The following CR2 variants were observed in gnomAD, a reference collection of about 807,000 sequenced individuals.
The protein encoded by CR2 is complement C3d receptor 2.
CR2 carries 96 observed loss-of-function variants against 123.0 expected under a neutral mutation model. The observed-to-expected ratio is 0.78, with a 90% CI of 0.66 to 0.93. CR2 has a LOEUF of 0.93. Among genes scored for constraint, CR2 ranks in the 40% least tolerant of loss-of-function variants. The pLI, the probability that CR2 is intolerant of heterozygous loss-of-function variation, is 0.00. For missense variants in CR2, 1,258 were observed against 1,361.0 expected (o/e 0.92, Z 1.19); for synonymous variants, 484 against 469.5 (o/e 1.03, Z -0.40).
At chr1:207,462,498 T>A (rs1235887863) in intron 1 of CR2, among the ~76,000 whole-genome samples, 1 of 152,222 alleles carries the variant, frequency 6.6e-6, no homozygotes, top group East Asian at 1.9e-4. Flanking sequence ...ATGCATTTTT[T>A]CCCTATAAAC....
intron 18 of CR2, among the ~76,000 whole-genome samples, chr1:207,484,029 T>A (rs1658679702): frequency 1.3e-5 from 2 of 152,114 alleles, no homozygotes; most frequent in African/African-American, 2.4e-5. Context: ...ATTAGGGATG[T>A]CATTTGCAGG....
chr1:207,479,209 T>G (rs1436882245), intron 16 of CR2, 48 bp from the exon 17 acceptor site: 1 of 1,434,352 alleles, frequency 7.0e-7, no homozygotes, highest in Non-Finnish European at 9.8e-7. Context: ...TACATTGAAT[T>G]ATGACACTAT....
Position 207,470,014 on chromosome 1 carries a change from C to T in CR2, c.1137C>T (p.Cys379=), listed in dbSNP as rs1036386898. The change falls in exon 6 of 20, where the codon TGC becomes TGT. Residue 379 remains cysteine (C), a synonymous_variant. Coordinates refer to ENST00000367057, the MANE Select transcript of CR2 (RefSeq NM_001006658.3). ...ATAACGACACTGTGATATTTGCTTG[C>T]ATGTTTGGCTTCACCTTGAAGGGCA... ...YTYNDTVIFA[C]MFGFTLKGSK... is the part of the protein sequence containing the mutation. 1 of 1,613,952 alleles carries T rather than the reference C, an allele frequency of 6.2e-7. No individual in the cohort carries two copies. The highest frequency in any genetic ancestry group is 8.5e-7 in the Non-Finnish European group (1 of 1,179,918).
intron 18 of CR2, 152 bp from the exon 19 acceptor site, chr1:207,485,312 T>G: frequency 1.7e-6 from 1 of 604,370 alleles, no homozygotes; most frequent in Non-Finnish European, 3.1e-6. Flanking sequence ...ATTCTGCACA[T>G]GTATCCCAGA....
intron 1 of CR2, among the ~76,000 whole-genome samples, chr1:207,461,086 A>T (rs1255208224): frequency 6.6e-6 from 1 of 152,144 alleles, no homozygotes; most frequent in Non-Finnish European, 1.5e-5. Flanking sequence ...TTGTCCCACA[A>T]ATTCACAAAT....
chr1:207,488,576 A>G (rs552406537), intron 19 of CR2, among the ~76,000 whole-genome samples: 274 of 152,330 alleles, frequency 1.8e-3, no homozygotes, highest in Middle Eastern at 6.8e-3. Context: ...GTGAGCTGAG[A>G]TCACGCCACT....
At chr1:207,471,277 C>T in intron 8 of CR2, 146 bp from the exon 9 acceptor site, 5 of 884,150 alleles carry the variant, frequency 5.7e-6, no homozygotes, top group Non-Finnish European at 9.6e-6. Context: ...TATGCCTGTG[C>T]AATGAGAAGT....
At position 207,479,978 on chromosome 1, in the gene CR2, G is replaced by T; in HGVS notation, c.3113G>T (p.Gly1038Val). Residue 1038 changes from glycine to valine, a missense_variant and splice_region_variant, in exon 18 of 20, where the codon GGT becomes GTT. By Grantham distance (109) the Gly-to-Val change is moderately radical (BLOSUM62 -3). Transcript: ENST00000367057. ...RSRSLAPVLCGIAAGLILLTF... is the reference protein window; with the variant it reads ...RSRSLAPVLCVIAAGLILLTF... ...GATACTTGCTGGATTTTTCTTCTAG[G>T]TATTGCTGCAGGTTTGATACTTCTT... The T allele has an allele frequency of 6.2e-7, 1 of 1,611,502 alleles. No homozygotes were observed. Among genetic ancestry groups the T allele is most frequent in the Non-Finnish European group, 8.5e-7 (1 of 1,177,886 alleles).
intron 17 of CR2, 54 bp downstream of exon 17, chr1:207,479,334 T>C (rs944396789): frequency 7.7e-7 from 1 of 1,292,792 alleles, no homozygotes; most frequent in Non-Finnish European, 1.1e-6. Context: ...TTTAAAAATA[T>C]GTAATGCTAG....
rs577153960 is a variant in CR2, at chr1:207,466,548, G to A, written c.81G>A (p.Pro27=). The A allele has an allele frequency of 2.4e-5, 39 of 1,613,818 alleles. No individual in the cohort carries two copies. The highest frequency in any genetic ancestry group is 1.7e-4 in the Middle Eastern group (1 of 6,060). ...CAGGGATTTCTTGTGGCTCTCCTCC[G>A]CCTATCCTAAATGGCCGGATTAGTT... The part of the protein sequence containing the change: ...GVLGISCGSP[P]PILNGRISYY... Residue 27 remains proline, a synonymous_variant, in exon 2 of 20, where the codon CCG becomes CCA. Coordinates refer to ENST00000367057, the MANE Select transcript of CR2 (RefSeq NM_001006658.3).
chr1:207,481,538 C>A (rs1435381744), intron 18 of CR2, among the ~76,000 whole-genome samples: 2 of 151,998 alleles, frequency 1.3e-5, no homozygotes, highest in African/African-American at 4.8e-5. Flanking sequence ...ATTATTTGCA[C>A]CACGACTACA....
chr1:207,464,868 G>T (rs1452535588), intron 1 of CR2, among the ~76,000 whole-genome samples: 1 of 152,070 alleles, frequency 6.6e-6, no homozygotes, highest in African/African-American at 2.4e-5. Context: ...GCAGAAGGAA[G>T]ATAGTATATG....
chr1:207,478,539 A>AG (rs1037446097), intron 16 of CR2, among the ~76,000 whole-genome samples: 2 of 150,014 alleles, frequency 1.3e-5, no homozygotes, highest in African/African-American at 4.9e-5. Flanking sequence ...AAAAAAAAAA[A>AG]AAAAAAAAGA....
At chr1:207,477,728 T>C (rs970317141) in intron 15 of CR2, among the ~76,000 whole-genome samples, 157 bp from the exon 16 acceptor site, 2 of 152,320 alleles carry the variant, frequency 1.3e-5, no homozygotes, top group South Asian at 2.1e-4. Flanking sequence ...AGTAAAAGAT[T>C]GTGTCTAGGA....
Position 207,454,567 on chromosome 1 carries a change from G to T in CR2, c.58+91G>T. ...ATGCAAAGCAGGGGGCCAAAAGCGAGACGGTGGGGGCAGTGCTCGACGCGT... is the reference window on the plus strand; with the variant it reads ...ATGCAAAGCAGGGGGCCAAAAGCGATACGGTGGGGGCAGTGCTCGACGCGT... On this transcript the variant is annotated intron_variant, in intron 1 of 19. Transcript: ENST00000367057. The surrounding 1 kb of genome is among the most constrained non-coding windows in gnomAD (Gnocchi z 4.3). 1 of 1,018,880 alleles carries T rather than the reference G, an allele frequency of 9.8e-7. No homozygotes were observed. The highest frequency in any genetic ancestry group is 1.4e-6 in the Non-Finnish European group (1 of 710,476). 63.1% of individuals were successfully genotyped at this position (1,018,880 alleles called of 1,614,324 possible).
rs1282577795 is a variant in CR2, at chr1:207,455,927, G to C, written c.58+1451G>C. Among the ~76,000 whole-genome samples the C allele has an allele frequency of 2.0e-5, 3 of 152,212 alleles. No individual in the cohort carries two copies. In the East Asian group the frequency reaches 5.8e-4, roughly 29 times the overall value. ...TGTTGTTTGTCCATTTCTCATTTTT[G>C]TACCAGTATTCCCATCCTAAGCATT... On this transcript the variant is annotated intron_variant, in intron 1 of 19. Coordinates refer to ENST00000367057, the MANE Select transcript of CR2 (RefSeq NM_001006658.3).
intron 18 of CR2, among the ~76,000 whole-genome samples, chr1:207,484,679 A>G (rs1658700013): frequency 6.6e-6 from 1 of 152,196 alleles, no homozygotes; most frequent in Admixed American, 6.5e-5. Context: ...ATTTTGTATT[A>G]TGTTATTTTA....
In CR2 at chr1:207,485,527, T is replaced by C; in HGVS notation, c.3252T>C (p.Ser1084=). 6.2e-7 allele frequency: 1 copy of C among 1,613,034 alleles called. No individual in the cohort carries two copies. The highest frequency in any genetic ancestry group is 8.5e-7 in the Non-Finnish European group (1 of 1,179,012). ...ATTTAGAAGCACGAGAAGTATATTC[T>C]GTTGATCCATACAACCCAGCCAGCT... ...AFHLEAREVY[S]VDPYNPAS is the part of the protein sequence containing the mutation. The change falls in exon 19 of 20, where the codon TCT becomes TCC. Residue 1084 remains serine, a synonymous_variant. Transcript: ENST00000367057.
At chr1:207,466,404 A>C in intron 1 of CR2, 122 bp from the exon 2 acceptor site, 1 of 1,141,986 alleles carries the variant, frequency 8.8e-7, no homozygotes, top group Non-Finnish European at 1.3e-6. Context: ...TAAATAAACT[A>C]TACATATTTC....
Sources: allele counts gnomAD v4.1 joint callset (sites outside exome capture counted in the v4.1 genomes callset), GRCh38; gene constraint gnomAD v4.1.1; non-coding constraint Gnocchi (gnomAD v3.1); transcripts MANE v1.5; gene names NCBI Gene and HGNC (gene_info 2026-07-23, HGNC 2026-07-21).